Variants in EFL1 observed in about 807,000 individuals in gnomAD.
EFL1 encodes the protein elongation factor like GTPase 1, also known as elongation factor-like GTPase 1.
In EFL1, 76 loss-of-function variants were observed where a neutral mutation model predicts 126.7. The ratio of observed to expected loss-of-function variants is 0.60; its 90% CI spans 0.50 to 0.73. The LOEUF (loss-of-function observed/expected upper bound fraction) is 0.73, where lower values mean the gene tolerates loss of function less well. Ranked by LOEUF, EFL1 falls within the 30% of genes least tolerant of loss-of-function variation. EFL1 has a pLI of 0.00. For synonymous variants in EFL1, 410 were observed against 448.4 expected, an observed-to-expected ratio of 0.91 and a Z score of 1.08; for missense variants, 1,128 against 1,343.2, an observed-to-expected ratio of 0.84 and a Z score of 2.50.
chr15:82,202,590 C>G (rs2074480863), intron 15 of EFL1, among the ~76,000 whole-genome samples: 2 of 152,136 alleles, frequency 1.3e-5, no homozygotes, highest in South Asian at 4.1e-4. Context: ...AATAAGAAAC[C>G]AAGGATCGGT....
intron 15 of EFL1, among the ~76,000 whole-genome samples, chr15:82,195,164 G>C (rs1450307923): frequency 6.6e-6 from 1 of 152,048 alleles, no homozygotes; most frequent in African/African-American, 2.4e-5. Flanking sequence ...ACCTCATAAG[G>C]GGAAATTTTT....
chr15:82,151,613 T>C lies in EFL1; in HGVS notation c.2841A>G (p.Glu947=). ...GTCCATAGCAGTCAGTGAGTGGAGATTCTCCTTTCTGTGATGTCCTCTTCT... is the reference window on the plus strand; with the variant it reads ...GTCCATAGCAGTCAGTGAGTGGAGACTCTCCTTTCTGTGATGTCCTCTTCT... ...AFEKRTSQKG[E]SPLTDCYGPF... is the part of the protein sequence containing the mutation. Residue 947 remains glutamate, a synonymous_variant, in exon 18 of 20, where the codon GAA becomes GAG. Coordinates refer to ENST00000268206, the MANE Select transcript of EFL1 (RefSeq NM_024580.6). 6.2e-7 allele frequency: 1 copy of C among 1,614,146 alleles called. No individual in the cohort carries two copies. The highest frequency in any genetic ancestry group is 8.5e-7 in the Non-Finnish European group (1 of 1,179,994).
At chr15:82,217,777 T>G (rs969888222) in intron 14 of EFL1, among the ~76,000 whole-genome samples, 11 of 152,148 alleles carry the variant, frequency 7.2e-5, no homozygotes, top group Non-Finnish European at 2.9e-5. Context: ...ACTTGCTTCT[T>G]CTAACAAACG....
chr15:82,238,273 G>A (rs757011710), intron 7 of EFL1, 34 bp downstream of exon 7: 7 of 1,597,706 alleles, frequency 4.4e-6, no homozygotes, highest in Non-Finnish European at 6.0e-6. Context: ...TATAAAATCT[G>A]CAAAGAGATT....
intron 15 of EFL1, among the ~76,000 whole-genome samples, chr15:82,199,996 ACAG>A (rs1484563371): frequency 6.6e-6 from 1 of 152,268 alleles, no homozygotes; most frequent in Non-Finnish European, 1.5e-5. Flanking sequence ...GCTTGCAAAT[ACAG>A]CAGAATAGAA....
At chr15:82,207,953 TC>T (rs1316638053) in intron 15 of EFL1, among the ~76,000 whole-genome samples, 1 of 152,172 alleles carries the variant, frequency 6.6e-6, no homozygotes, top group Non-Finnish European at 1.5e-5. Flanking sequence ...ACTCCTGACC[TC>T]AGGTGATCTG....
Position 82,241,269 on chromosome 15 carries a change from C to G in EFL1, c.378+1G>C. The G allele has an allele frequency of 6.2e-7, 1 of 1,613,822 alleles. No individual in the cohort carries two copies. Among genetic ancestry groups the G allele is most frequent in the Non-Finnish European group, 8.5e-7 (1 of 1,179,850 alleles). Reference sequence around the variant, plus strand: ...AGTATTTTCTCATCACAATCCATTACCTGTGGACAGACTCCTTCCACAGCA... The same window carrying G: ...AGTATTTTCTCATCACAATCCATTAGCTGTGGACAGACTCCTTCCACAGCA... On this transcript the variant is annotated splice_donor_variant, in intron 5 of 19. Coordinates refer to ENST00000268206, the MANE Select transcript of EFL1 (RefSeq NM_024580.6). LOFTEE classifies it high-confidence loss of function.
intron 18 of EFL1, among the ~76,000 whole-genome samples, chr15:82,149,722 CAAATA>C (rs2073887484): frequency 6.6e-6 from 1 of 152,100 alleles, no homozygotes; most frequent in African/African-American, 2.4e-5. Context: ...TGATTTATTT[CAAATA>C]CATAAAAGAG....
At chr15:82,147,635 A>AG (rs992732632) in intron 18 of EFL1, among the ~76,000 whole-genome samples, 3 of 151,598 alleles carry the variant, frequency 2.0e-5, no homozygotes, top group African/African-American at 7.3e-5. Flanking sequence ...GTGAAAAAAA[A>AG]AAAAAAAAAA....
At chr15:82,165,699 A>G (rs2074072438) in intron 15 of EFL1, among the ~76,000 whole-genome samples, 2 of 152,228 alleles carry the variant, frequency 1.3e-5, no homozygotes, top group African/African-American at 4.8e-5. Flanking sequence ...AAAGGTTCAC[A>G]GAAAATGTGC....
intron 19 of EFL1, among the ~76,000 whole-genome samples, chr15:82,131,596 G>A (rs2073645478): frequency 6.6e-6 from 1 of 152,088 alleles, no homozygotes; most frequent in African/African-American, 2.4e-5. Flanking sequence ...TTTGAGACCA[G>A]CCTGACCAAC....
intron 7 of EFL1, among the ~76,000 whole-genome samples, chr15:82,234,646 G>A (rs1264292547): frequency 5.9e-5 from 9 of 152,140 alleles, no homozygotes; most frequent in African/African-American, 1.9e-4. Context: ...TTTAAAAAAC[G>A]GAGCCAGAGA....
intron 4 of EFL1, among the ~76,000 whole-genome samples, chr15:82,242,038 G>A (rs1039172401): frequency 1.1e-4 from 17 of 152,040 alleles, no homozygotes; most frequent in African/African-American, 4.1e-4. Flanking sequence ...GAGTTGTCTG[G>A]TTTTAGCACG....
chr15:82,191,326 A>C (rs1350762883), intron 15 of EFL1, among the ~76,000 whole-genome samples: 1 of 152,178 alleles, frequency 6.6e-6, no homozygotes, highest in Non-Finnish European at 1.5e-5. Flanking sequence ...CATCACTCAA[A>C]TGTAGCCTAT....
At chr15:82,234,976 C>G (rs1347524023) in intron 7 of EFL1, among the ~76,000 whole-genome samples, 1 of 152,120 alleles carries the variant, frequency 6.6e-6, no homozygotes, top group Non-Finnish European at 1.5e-5. Context: ...TTACCTACTC[C>G]ATTCTGAAAT....
intron 7 of EFL1, among the ~76,000 whole-genome samples, chr15:82,235,574 T>G (rs535501573): frequency 2.0e-5 from 3 of 152,246 alleles, no homozygotes; most frequent in African/African-American, 7.2e-5. Context: ...ATATACCATA[T>G]TAACAAGCTA....
intron 18 of EFL1, 141 bp downstream of exon 18, chr15:82,151,324 G>A (rs1024909753): frequency 4.0e-6 from 3 of 753,424 alleles, no homozygotes; most frequent in African/African-American, 1.7e-5. Flanking sequence ...GTAGGCAGAG[G>A]TTGCAGTGAG....
intron 7 of EFL1, among the ~76,000 whole-genome samples, chr15:82,231,917 A>G: frequency 6.6e-6 from 1 of 152,156 alleles, no homozygotes; most frequent in Admixed American, 6.5e-5. Flanking sequence ...GGATCCCTAA[A>G]AAGATTCAGG....
intron 17 of EFL1, 120 bp from the exon 18 acceptor site, chr15:82,152,543 T>C: frequency 2.2e-6 from 2 of 903,548 alleles, no homozygotes; most frequent in South Asian, 3.8e-5. Flanking sequence ...AAAATTATCT[T>C]ACTATGAAAG....
Sources: allele counts gnomAD v4.1 joint callset (sites outside exome capture counted in the v4.1 genomes callset), GRCh38; gene constraint gnomAD v4.1.1; transcripts MANE v1.5; gene names NCBI Gene and HGNC (gene_info 2026-07-23, HGNC 2026-07-21).